ELAPOR1: variants seen among roughly 807,000 people sequenced by gnomAD.
The protein encoded by ELAPOR1 is endosome-lysosome associated apoptosis and autophagy regulator 1, also known as endosome/lysosome-associated apoptosis and autophagy regulator 1.
ELAPOR1 carries 77 observed loss-of-function variants against 119.7 expected under a neutral mutation model. The observed-to-expected ratio is 0.64, with a 90% CI of 0.54 to 0.78. The LOEUF (loss-of-function observed/expected upper bound fraction) is 0.78, where lower values mean the gene tolerates loss of function less well. ELAPOR1 is among the 30% of genes least tolerant of loss of function. The probability of loss-of-function intolerance (pLI) is 0.00; values close to 1 mark genes in which losing one functional copy is unlikely to be tolerated. For synonymous variants in ELAPOR1, 481 were observed against 487.2 expected (o/e 0.99, Z 0.17); for missense variants, 1,115 against 1,270.4 (o/e 0.88, Z 1.86).
chr1:109,169,302 C>T (rs997978910), intron 3 of ELAPOR1, among the ~76,000 whole-genome samples: 1 of 152,150 alleles, frequency 6.6e-6, no homozygotes, highest in Non-Finnish European at 1.5e-5. Context: ...TGCAATGGCA[C>T]AATCTCGGCT....
intron 7 of ELAPOR1, among the ~76,000 whole-genome samples, chr1:109,175,818 C>A (rs1652239195): frequency 1.2e-5 from 1 of 86,540 alleles, no homozygotes. Context: ...TAGAGCGAGA[C>A]TCAGTCTCAA....
chr1:109,130,869 G>A (rs1264094218), intron 1 of ELAPOR1, among the ~76,000 whole-genome samples: 1 of 152,194 alleles, frequency 6.6e-6, no homozygotes, highest in African/African-American at 2.4e-5. Flanking sequence ...TGGACATGGT[G>A]ACGTAAATCT....
chr1:109,175,121 A>G (rs1381239461), intron 7 of ELAPOR1, among the ~76,000 whole-genome samples: 1 of 152,084 alleles, frequency 6.6e-6, no homozygotes, highest in African/African-American at 2.4e-5. Context: ...TCAGCCTTCC[A>G]AAGTGCTGGG....
At chr1:109,187,755 A>C in intron 8 of ELAPOR1, 1 of 803,600 alleles carries the variant, frequency 1.2e-6, no homozygotes, top group Non-Finnish European at 1.5e-6. Flanking sequence ...GGGACATCTC[A>C]GCCACCCCCT....
At chr1:109,192,947 G>T (rs1158520011) in intron 14 of ELAPOR1, 73 bp downstream of exon 14, 5 of 1,538,880 alleles carry the variant, frequency 3.2e-6, no homozygotes, top group African/African-American at 2.7e-5. Flanking sequence ...TGGGTCCTGG[G>T]TAGGGTTCTT....
At chr1:109,159,166 T>C (rs1401958423) in intron 1 of ELAPOR1, among the ~76,000 whole-genome samples, 3 of 152,184 alleles carry the variant, frequency 2.0e-5, no homozygotes, top group Non-Finnish European at 4.4e-5. Context: ...AGTGCTGGGA[T>C]TACAGCGTGA....
Position 109,186,537 on chromosome 1 carries a change from TC to T in ELAPOR1, c.1041+1409del, listed in dbSNP as rs906171386. The T allele has an allele frequency of 3.0e-6, 3 of 985,156 alleles. No individual in the cohort carries two copies. The Admixed American group carries it at 1.8e-4, about 61-fold the overall frequency. The allele number at this position is 985,156 out of a possible 1,614,324, so 61.0% of individuals were successfully genotyped here. ...ACAGTCATCTCTTACCAACACCACC[TC>T]CCCCACGTATTTGGGGCATCATCCC... On this transcript the variant is annotated intron_variant, in intron 8 of 21. Coordinates refer to ENST00000369939, the MANE Select transcript of ELAPOR1 (RefSeq NM_020775.5).
At chr1:109,160,130 T>A (rs924731737) in intron 1 of ELAPOR1, among the ~76,000 whole-genome samples, 1 of 152,076 alleles carries the variant, frequency 6.6e-6, no homozygotes, top group African/African-American at 2.4e-5. Flanking sequence ...AGCCAAAGAT[T>A]CTGGTCAAGA....
intron 1 of ELAPOR1, among the ~76,000 whole-genome samples, chr1:109,144,061 A>ATATATATATTTTTTTTTTTTTTTT: frequency 2.1e-4 from 19 of 89,006 alleles, no homozygotes; most frequent in African/African-American, 7.2e-4. Flanking sequence ...ATATTTATAT[A>ATATATATATTTTTTTTTTTTTTTT]TTTTTTTTTT....
chr1:109,126,374 G>A (rs1482472144), intron 1 of ELAPOR1, among the ~76,000 whole-genome samples: 1 of 152,054 alleles, frequency 6.6e-6, no homozygotes, highest in East Asian at 1.9e-4. Flanking sequence ...GTAATCCCAG[G>A]TATGATCCTT....
In ELAPOR1 at chr1:109,189,205, C is replaced by T. The variant is rs372457646; in HGVS notation, c.1348+11C>T. ...ACAAGGGCATGACAGGTAATTGCCT[C>T]TCCCTGTGCCATGAGCTGTCAGCTC... On this transcript the variant is annotated intron_variant, in intron 10 of 21. Transcript: ENST00000369939. 9 of 1,612,042 alleles carry T rather than the reference C, an allele frequency of 5.6e-6. No individual in the cohort carries two copies. In the African/African-American group the frequency reaches 8.0e-5, roughly 14 times the overall value.
intron 15 of ELAPOR1, among the ~76,000 whole-genome samples, chr1:109,196,795 G>A (rs1653825654): frequency 6.6e-6 from 1 of 151,938 alleles, no homozygotes; most frequent in Admixed American, 6.6e-5. Flanking sequence ...CGATTCTCCT[G>A]CCTCAGCCTC....
intron 1 of ELAPOR1, among the ~76,000 whole-genome samples, chr1:109,152,906 C>T (rs1163157495): frequency 1.4e-5 from 2 of 138,086 alleles, no homozygotes; most frequent in Non-Finnish European, 3.1e-5. Context: ...GAGCCGAGAT[C>T]ACACCACTGC....
At chr1:109,179,030 A>G (rs375299955) in intron 7 of ELAPOR1, among the ~76,000 whole-genome samples, 178 of 152,082 alleles carry the variant, frequency 1.2e-3, no homozygotes, top group African/African-American at 4.1e-3. Flanking sequence ...AAAAGAAGGA[A>G]AAGTTTCACT....
At chr1:109,189,237 C>T in intron 10 of ELAPOR1, 43 bp downstream of exon 10, 5 of 1,597,750 alleles carry the variant, frequency 3.1e-6, no homozygotes, top group Non-Finnish European at 3.4e-6. Context: ...GCTCCCTGCA[C>T]ACCCTCAGTT....
At chr1:109,149,476 C>T (rs370817623) in intron 1 of ELAPOR1, among the ~76,000 whole-genome samples, 8 of 152,204 alleles carry the variant, frequency 5.3e-5, no homozygotes, top group African/African-American at 1.9e-4. Context: ...TGACTGTCCC[C>T]GGTCATGCAG....
intron 3 of ELAPOR1, among the ~76,000 whole-genome samples, chr1:109,167,307 G>A (rs1043693778): frequency 3.3e-5 from 5 of 151,976 alleles, no homozygotes; most frequent in Non-Finnish European, 5.9e-5. Flanking sequence ...TGTTTCCACC[G>A]CACGGACTAT....
chr1:109,148,188 G>T (rs1031387182), intron 1 of ELAPOR1, among the ~76,000 whole-genome samples: 6 of 114,684 alleles, frequency 5.2e-5, no homozygotes, highest in African/African-American at 1.7e-4. Context: ...ACACAGGCTG[G>T]AGTGCAGTGG....
chr1:109,197,935 C>T (rs543782879), intron 16 of ELAPOR1, 44 bp from the exon 17 acceptor site: 2 of 1,509,338 alleles, frequency 1.3e-6, no homozygotes, highest in African/African-American at 1.4e-5. Context: ...TGGTTGCCAG[C>T]TAATGCTACT....
Sources: allele counts gnomAD v4.1 joint callset (sites outside exome capture counted in the v4.1 genomes callset), GRCh38; gene constraint gnomAD v4.1.1; transcripts MANE v1.5; gene names NCBI Gene and HGNC (gene_info 2026-07-23, HGNC 2026-07-21).